Variants in SND1 observed in about 807,000 individuals in gnomAD.
The protein encoded by SND1 is staphylococcal nuclease and tudor domain containing 1.
Under a neutral mutation model 121.7 loss-of-function variants are expected in SND1, and 38 were observed. The ratio of observed to expected loss-of-function variants is 0.31; its 90% CI spans 0.24 to 0.41. The LOEUF (loss-of-function observed/expected upper bound fraction) is 0.41, where lower values mean the gene tolerates loss of function less well. Among genes scored for constraint, SND1 ranks in the 10% least tolerant of loss-of-function variants. The pLI is 1.00. For synonymous variants in SND1, 401 were observed against 447.4 expected, an observed-to-expected ratio of 0.90 and a Z score of 1.31; for missense variants, 868 against 1,184.6, an observed-to-expected ratio of 0.73 and a Z score of 3.92.
chr7:127,995,073 A>G (rs191674384), intron 16 of SND1, among the ~76,000 whole-genome samples: 16 of 152,254 alleles, frequency 1.1e-4, no homozygotes, highest in African/African-American at 3.9e-4. Context: ...TCATACTATA[A>G]CAGCCGAGTT....
intron 11 of SND1, among the ~76,000 whole-genome samples, chr7:127,836,885 C>T (rs542852730): frequency 6.6e-6 from 1 of 152,182 alleles, no homozygotes; most frequent in Admixed American, 6.5e-5. Flanking sequence ...AAAATACCTT[C>T]ACCAAACTAC....
intron 3 of SND1, among the ~76,000 whole-genome samples, chr7:127,696,343 G>A (rs1427082127): frequency 1.3e-5 from 2 of 152,078 alleles, no homozygotes; most frequent in Non-Finnish European, 2.9e-5. Context: ...CCCAGAAAAC[G>A]GCTACCTGCT....
chr7:128,078,304 G>A (rs879705770), intron 17 of SND1, among the ~76,000 whole-genome samples: 34 of 152,364 alleles, frequency 2.2e-4, no homozygotes, highest in Admixed American at 1.0e-3. Context: ...AGAGGGAACC[G>A]TCATGGCTGC....
intron 10 of SND1, among the ~76,000 whole-genome samples, chr7:127,773,572 A>G (rs755370593): frequency 1.3e-5 from 2 of 151,172 alleles, no homozygotes; most frequent in African/African-American, 4.8e-5. Context: ...TATTTTTTGC[A>G]TTTTGTCAGC....
chr7:127,980,351 A>C lies in SND1; in HGVS notation c.1670-10596A>C, dbSNP rs1438303021. 1.2e-4 allele frequency among the ~76,000 whole-genome samples: 2 copies of C among 17,272 alleles called. 1 individual carries two copies. The highest frequency in any genetic ancestry group is 4.2e-3 in the African/African-American group (2 of 480). 11.3% of individuals were successfully genotyped at this position (17,272 alleles called of 152,430 possible). On this transcript the variant is annotated intron_variant, in intron 15 of 23. Coordinates refer to ENST00000354725, the MANE Select transcript of SND1 (RefSeq NM_014390.4). The stretch of plus-strand genomic sequence containing the variant: ...TAGCCGGGATGGTCTCGATCTCCTG[A>C]CCTCGTGATCCGCCCGCCTCGGCCT...
intron 1 of SND1, among the ~76,000 whole-genome samples, chr7:127,666,468 A>G (rs989370457): frequency 6.6e-6 from 1 of 152,198 alleles, no homozygotes; most frequent in African/African-American, 2.4e-5. Flanking sequence ...GGTTGATGGC[A>G]CAAGGCTAAG....
intron 14 of SND1, among the ~76,000 whole-genome samples, chr7:127,921,045 A>G (rs915473470): frequency 3.3e-5 from 5 of 152,348 alleles, no homozygotes; most frequent in East Asian, 1.9e-4. Context: ...TAAGAGAACA[A>G]TCTCTGAGCT....
chr7:127,935,011 C>T (rs1801031122), intron 15 of SND1, among the ~76,000 whole-genome samples: 2 of 152,122 alleles, frequency 1.3e-5, no homozygotes, highest in South Asian at 4.1e-4. Context: ...TCCCAGGCAC[C>T]AGCAGTGTCA....
chr7:127,807,066 A>T (rs1334636388), intron 10 of SND1, among the ~76,000 whole-genome samples: 1 of 152,220 alleles, frequency 6.6e-6, no homozygotes, highest in African/African-American at 2.4e-5. Context: ...TTATATATGT[A>T]TTTACAGAAT....
At chr7:127,733,209 C>T (rs537727264) in intron 10 of SND1, among the ~76,000 whole-genome samples, 2 of 152,142 alleles carry the variant, frequency 1.3e-5, no homozygotes, top group African/African-American at 4.8e-5. Flanking sequence ...CTCCCTTTAC[C>T]TTAAGTCCAC....
At chr7:127,912,304 T>C (rs1177592521) in intron 14 of SND1, among the ~76,000 whole-genome samples, 2 of 152,216 alleles carry the variant, frequency 1.3e-5, no homozygotes, top group East Asian at 3.8e-4. Flanking sequence ...TTAATGATGG[T>C]TGTGTTTCAT....
At chr7:127,949,690 T>G (rs979820642) in intron 15 of SND1, among the ~76,000 whole-genome samples, 1 of 152,150 alleles carries the variant, frequency 6.6e-6, no homozygotes, top group Non-Finnish European at 1.5e-5. Flanking sequence ...AAAATTTCTT[T>G]TCCAATCCAT....
intron 13 of SND1, among the ~76,000 whole-genome samples, chr7:127,904,196 T>C: frequency 6.6e-6 from 1 of 152,208 alleles, no homozygotes; most frequent in Non-Finnish European, 1.5e-5. Flanking sequence ...CTAAGACTGA[T>C]TGAAAATGAG....
intron 10 of SND1, among the ~76,000 whole-genome samples, chr7:127,799,724 A>G (rs1161040215): frequency 1.3e-5 from 2 of 152,194 alleles, no homozygotes; most frequent in Non-Finnish European, 2.9e-5. Flanking sequence ...TGAATTTGGC[A>G]CTTGCTCAGA....
chr7:127,992,748 C>T (rs988109129), intron 16 of SND1, among the ~76,000 whole-genome samples: 3 of 152,120 alleles, frequency 2.0e-5, no homozygotes, highest in African/African-American at 7.2e-5. Context: ...ATGTTTCTGG[C>T]CCACTGATGA....
At chr7:127,938,537 C>T (rs765837032) in intron 15 of SND1, among the ~76,000 whole-genome samples, 5 of 152,150 alleles carry the variant, frequency 3.3e-5, no homozygotes, top group African/African-American at 7.2e-5. Context: ...TTTGAGTTTC[C>T]GAGAAGATCT....
Position 127,978,832 on chromosome 7 carries a change from G to A in SND1, c.1670-12115G>A, listed in dbSNP as rs536010187. Among the ~76,000 whole-genome samples the A allele has an allele frequency of 1.1e-3, 168 of 152,144 alleles. 1 individual carries two copies. Among genetic ancestry groups the A allele is most frequent in the African/African-American group, 3.9e-3 (161 of 41,482 alleles). On this transcript the variant is annotated intron_variant, in intron 15 of 23. Coordinates refer to ENST00000354725, the MANE Select transcript of SND1 (RefSeq NM_014390.4). Reference sequence around the variant, plus strand: ...CTGCCGAGTAGCTGGGATTACAGGCGCACACCACCACGCCTGGCCAATTTT... The same window carrying A: ...CTGCCGAGTAGCTGGGATTACAGGCACACACCACCACGCCTGGCCAATTTT...
intron 15 of SND1, among the ~76,000 whole-genome samples, chr7:127,938,557 T>G (rs544292074): frequency 1.3e-5 from 2 of 152,266 alleles, no homozygotes; most frequent in South Asian, 4.1e-4. Context: ...TGCTACATTT[T>G]CTTTGGGCAG....
At position 128,028,609 on chromosome 7, in the gene SND1, C is replaced by CA; in HGVS notation, c.1779+37554dup. The CA allele has an allele frequency of 2.1e-6, 3 of 1,427,216 alleles. No homozygotes were observed. The South Asian group carries it at 4.0e-5, about 19-fold the overall frequency. The allele number at this position is 1,427,216 out of a possible 1,614,324, so 88.4% of individuals were successfully genotyped here. On this transcript the variant is annotated intron_variant, in intron 16 of 23. Transcript: ENST00000354725. Reference sequence around the variant, plus strand: ...GCATATACAAGAAAAAGTCTCTCCCCACTCTGTACAAAAGTTGCTGTCTTT... The same window carrying CA: ...GCATATACAAGAAAAAGTCTCTCCCCAACTCTGTACAAAAGTTGCTGTCTTT...
Sources: allele counts gnomAD v4.1 joint callset (sites outside exome capture counted in the v4.1 genomes callset), GRCh38; gene constraint gnomAD v4.1.1; transcripts MANE v1.5; gene names NCBI Gene and HGNC (gene_info 2026-07-23, HGNC 2026-07-21).